The following PCDH11X variants were observed in gnomAD, a reference collection of about 807,000 sequenced individuals.
PCDH11X encodes the protein protocadherin 11 X-linked.
A neutral mutation model predicts 53.3 loss-of-function variants in PCDH11X; 18 were observed. That is an observed-to-expected ratio of 0.34 (90% CI 0.23 to 0.50). The LOEUF is 0.50. PCDH11X is among the 20% of genes least tolerant of loss of function. PCDH11X has a pLI of 0.98. For synonymous variants in PCDH11X, 279 were observed against 393.3 expected, an observed-to-expected ratio of 0.71 and a Z score of 3.44; for missense variants, 570 against 1,032.4, an observed-to-expected ratio of 0.55 and a Z score of 6.14.
Position 92,459,842 on chromosome X carries a change from G to A in PCDH11X, c.3344-8457G>A, listed in dbSNP as rs745609249. 1,742 of 1,110,219 alleles carry A rather than the reference G, an allele frequency of 1.6e-3. 14 individuals are homozygous for A. In the South Asian group the frequency reaches 0.024, roughly 15 times the overall value. 91.5% of individuals were successfully genotyped at this position (1,110,219 alleles called of 1,213,427 possible). A position where few individuals can be genotyped will look rare whatever the true frequency, so the allele number is the denominator to read the frequency against. ...TCCACCAGCTTCCGGGGTGGCATGG[G>A]GCCTGGGGGCCTGGCCGCGGGGATG... On this transcript the variant is annotated intron_variant, in intron 9 of 10. Coordinates refer to ENST00000682573, the MANE Select transcript of PCDH11X (RefSeq NM_032968.5).
At chrX:91,977,030 T>A (rs1229238856) in intron 6 of PCDH11X, among the ~76,000 whole-genome samples, 1 of 109,913 alleles carries the variant, frequency 9.1e-6, no homozygotes, top group Non-Finnish European at 1.9e-5. Flanking sequence ...ACCCTTAGAA[T>A]CAAGTATCTG....
chrX:91,926,683 T>A (rs1414730519), intron 6 of PCDH11X, among the ~76,000 whole-genome samples: 1 of 111,119 alleles, frequency 9.0e-6, no homozygotes, highest in East Asian at 2.8e-4. Context: ...TTGTATTTTT[T>A]AAAAATTTTT....
At chrX:91,881,062 T>C (rs1239361497) in intron 6 of PCDH11X, among the ~76,000 whole-genome samples, 2 of 111,272 alleles carry the variant, frequency 1.8e-5, no homozygotes, top group African/African-American at 3.3e-5. Context: ...AGTTAATTAA[T>C]AAAGCAAGTT....
intron 1 of PCDH11X, among the ~76,000 whole-genome samples, chrX:91,782,688 C>G (rs952234803): frequency 6.7e-4 from 73 of 109,580 alleles, no homozygotes; most frequent in African/African-American, 2.4e-3. Context: ...AAGGCTCTAT[C>G]CACTACTGCC....
At chrX:92,175,564 T>A (rs12557318) in intron 6 of PCDH11X, among the ~76,000 whole-genome samples, 54,221 of 107,535 alleles carry the variant, frequency 0.5, 10,562 homozygotes, top group Non-Finnish European at 0.6. Flanking sequence ...AAATTACCAC[T>A]AACTAATAAG....
chrX:92,244,801 G>A (rs1431899751), intron 7 of PCDH11X, among the ~76,000 whole-genome samples: 1 of 111,740 alleles, frequency 8.9e-6, no homozygotes, highest in Admixed American at 9.6e-5. Flanking sequence ...CAGAGCCTGC[G>A]ATCTAAAGTG....
intron 6 of PCDH11X, among the ~76,000 whole-genome samples, chrX:92,032,625 A>G (rs777892256): frequency 2.7e-5 from 3 of 110,797 alleles, no homozygotes; most frequent in Admixed American, 9.7e-5. Context: ...GGCCTGTTGT[A>G]TATGGCTTTT....
chrX:92,118,295 G>A (rs2064680453), intron 6 of PCDH11X, among the ~76,000 whole-genome samples: 2 of 108,154 alleles, frequency 1.8e-5, no homozygotes, highest in South Asian at 8.3e-4. Context: ...TCATTTAAAG[G>A]CAGCAAAGTA....
At chrX:92,099,189 T>C (rs150125883) in intron 6 of PCDH11X, among the ~76,000 whole-genome samples, 1,247 of 109,137 alleles carry the variant, frequency 0.011, 12 homozygotes, top group Non-Finnish European at 0.018. Flanking sequence ...CAGTATGTGC[T>C]TTTTGTTGTT....
At position 92,057,931 on chromosome X, in the gene PCDH11X, A is replaced by G. The variant is rs760476414; in HGVS notation, c.3034-143444A>G. Among the ~76,000 whole-genome samples, 219 of 86,928 alleles carry G rather than the reference A, an allele frequency of 2.5e-3. 3 individuals are homozygous for G. Among genetic ancestry groups the G allele is most frequent in the African/African-American group, 0.01 (152 of 14,916 alleles). 75.5% of individuals were successfully genotyped at this position (86,928 alleles called of 115,157 possible). A position where few individuals can be genotyped will look rare whatever the true frequency, so the allele number is the denominator to read the frequency against. ...GATGATAATAGATTCACAGCCACGT[A>G]TAATAAAATTGCAGTCTACTTGATT... is the stretch of plus-strand genomic sequence containing the variant. On this transcript the variant is annotated intron_variant, in intron 6 of 10. Coordinates refer to ENST00000682573, the MANE Select transcript of PCDH11X (RefSeq NM_032968.5).
At position 92,622,268 on chromosome X, in the gene PCDH11X, A is replaced by G. The variant is rs1928566040; in HGVS notation, c.*3328A>G. On this transcript the variant is annotated 3_prime_UTR_variant, in exon 11 of 11. Transcript: ENST00000682573. ...TTATCACACATGGTCATTAAATGGG[A>G]AAAAAATAGACTAAACAAATCACAA... is the stretch of plus-strand genomic sequence containing the variant. The G allele has an allele frequency of 9.4e-6, 1 of 106,634 alleles. No individual in the cohort carries two copies. Among genetic ancestry groups the G allele is most frequent in the African/African-American group, 3.4e-5 (1 of 29,478 alleles). The allele number at this position is 106,634 out of a possible 1,213,427, so 8.8% of individuals were successfully genotyped here.
At position 92,374,787 on chromosome X, in the gene PCDH11X, C is replaced by A. The variant is rs62596923; in HGVS notation, c.3145-12948C>A. On this transcript the variant is annotated intron_variant, in intron 8 of 10. Transcript: ENST00000682573. ...CAAATGTCTTCGGAATTCAATTGAG[C>A]CAGGTTTTAAAGTGATAATCCATAT... 6.1e-3 allele frequency among the ~76,000 whole-genome samples: 674 copies of A among 110,067 alleles called. 1 individual carries two copies. Among genetic ancestry groups the A allele is most frequent in the Non-Finnish European group, 9.3e-3 (492 of 52,831 alleles).
intron 1 of PCDH11X, among the ~76,000 whole-genome samples, chrX:91,780,102 C>T (rs933552129): frequency 8.9e-6 from 1 of 111,930 alleles, no homozygotes; most frequent in African/African-American, 3.2e-5. Flanking sequence ...CTCCCAGACT[C>T]GCCCGGCTGA....
intron 6 of PCDH11X, among the ~76,000 whole-genome samples, chrX:91,997,450 A>T (rs764107407): frequency 7.2e-5 from 8 of 111,323 alleles, no homozygotes; most frequent in East Asian, 2.8e-4. Context: ...ATTTTATCAA[A>T]TTTTTTCTGC....
At position 91,861,253 on chromosome X, in the gene PCDH11X, G is replaced by C. The variant is rs142639387; in HGVS notation, c.541-15528G>C. ...TTATCGATTTCTTCTAGATTTTCTA[G>C]TTTATTTGCATAGAGGTGTTTATAG... On this transcript the variant is annotated intron_variant, in intron 5 of 10. Transcript: ENST00000682573. Among the ~76,000 whole-genome samples, 860 of 111,946 alleles carry C rather than the reference G, an allele frequency of 7.7e-3. 6 individuals carry two copies. The highest frequency in any genetic ancestry group is 0.027 in the African/African-American group (833 of 30,796).
At chrX:92,405,549 A>T (rs34443970) in intron 9 of PCDH11X, among the ~76,000 whole-genome samples, 1,402 of 108,767 alleles carry the variant, frequency 0.013, 15 homozygotes, top group Non-Finnish European at 0.019. Context: ...TATTTTTTTT[A>T]AAAGTAGCTC....
chrX:92,496,890 A>G (rs1184996758), intron 10 of PCDH11X, among the ~76,000 whole-genome samples: 1 of 108,351 alleles, frequency 9.2e-6, no homozygotes, highest in Non-Finnish European at 1.9e-5. Flanking sequence ...CTCAGTCATT[A>G]GCTCTAATTT....
At chrX:92,219,602 T>C (rs1260952123) in intron 7 of PCDH11X, among the ~76,000 whole-genome samples, 2 of 104,091 alleles carry the variant, frequency 1.9e-5, no homozygotes, top group Admixed American at 1.1e-4. Context: ...GAATCAATAT[T>C]GTGAAAATGG....
At chrX:91,987,151 C>T (rs1315284799) in intron 6 of PCDH11X, among the ~76,000 whole-genome samples, 2 of 112,068 alleles carry the variant, frequency 1.8e-5, no homozygotes, top group Admixed American at 1.9e-4. Context: ...ATGGAGTGAT[C>T]TCAAGTGACT....
Sources: allele counts gnomAD v4.1 joint callset (sites outside exome capture counted in the v4.1 genomes callset), GRCh38; gene constraint gnomAD v4.1.1; transcripts MANE v1.5; gene names NCBI Gene and HGNC (gene_info 2026-07-23, HGNC 2026-07-21).